The following KAZN variants were observed in gnomAD, a reference collection of about 807,000 sequenced individuals.
KAZN encodes kazrin, periplakin interacting protein.
A neutral mutation model predicts 87.4 loss-of-function variants in KAZN; 40 were observed. The observed-to-expected ratio is 0.46, with a 90% CI of 0.36 to 0.60. The LOEUF is 0.60. KAZN is among the 20% of genes least tolerant of loss of function. The probability of loss-of-function intolerance (pLI) is 0.00; values close to 1 mark genes in which losing one functional copy is unlikely to be tolerated. For synonymous variants in KAZN, 466 were observed against 458.3 expected, an observed-to-expected ratio of 1.02 and a Z score of -0.22; for missense variants, 898 against 1,073.9, an observed-to-expected ratio of 0.84 and a Z score of 2.29.
intron 2 of KAZN, among the ~76,000 whole-genome samples, chr1:14,258,750 G>A (rs953832463): frequency 3.3e-5 from 5 of 152,182 alleles, no homozygotes; most frequent in Non-Finnish European, 5.9e-5. Context: ...CTACCTGTCT[G>A]TCAAGCCTCT....
intron 1 of KAZN, among the ~76,000 whole-genome samples, chr1:14,834,273 C>T (rs867032381): frequency 2.6e-5 from 4 of 151,284 alleles, no homozygotes; most frequent in African/African-American, 7.3e-5. Flanking sequence ...TGACCTCAGG[C>T]GATCCACCTA....
chr1:14,404,046 G>A (rs560280874), intron 2 of KAZN, among the ~76,000 whole-genome samples: 3 of 152,258 alleles, frequency 2.0e-5, no homozygotes, highest in South Asian at 2.1e-4. Context: ...AAGATTGATC[G>A]GACCAGGTGT....
At chr1:14,504,838 A>C (rs1377427448) in intron 2 of KAZN, among the ~76,000 whole-genome samples, 1 of 152,206 alleles carries the variant, frequency 6.6e-6, no homozygotes, top group East Asian at 1.9e-4. Flanking sequence ...GGAGGCCAAC[A>C]AATTAAAGGT....
chr1:13,898,124 C>T (rs977063133), intron 1 of KAZN, among the ~76,000 whole-genome samples: 3 of 152,220 alleles, frequency 2.0e-5, no homozygotes, highest in African/African-American at 4.8e-5. Flanking sequence ...TACAGGGGTT[C>T]AGCTGTGTCC....
chr1:13,939,154 C>T (rs1640846429), intron 1 of KAZN, among the ~76,000 whole-genome samples: 1 of 152,234 alleles, frequency 6.6e-6, no homozygotes, highest in Non-Finnish European at 1.5e-5. Flanking sequence ...TATTCCTCTT[C>T]TGATAATGCT....
intron 1 of KAZN, among the ~76,000 whole-genome samples, chr1:14,627,391 G>A (rs889737728): frequency 2.4e-4 from 36 of 152,234 alleles, no homozygotes; most frequent in African/African-American, 7.9e-4. Flanking sequence ...GATCAGAGGG[G>A]TGGCTGGGCC....
chr1:13,935,223 G>A (rs1371547782), intron 1 of KAZN, among the ~76,000 whole-genome samples: 1 of 92,882 alleles, frequency 1.1e-5, no homozygotes, highest in African/African-American at 4.3e-5. Flanking sequence ...GGCAGCAAGA[G>A]CGAAACTCCG....
intron 1 of KAZN, among the ~76,000 whole-genome samples, chr1:14,096,981 T>G (rs1428501158): frequency 2.0e-5 from 3 of 152,222 alleles, no homozygotes; most frequent in Non-Finnish European, 4.4e-5. Context: ...GTGGTTAAGG[T>G]GGAGCCTAGG....
At chr1:14,740,801 C>A (rs965666502) in intron 1 of KAZN, among the ~76,000 whole-genome samples, 1 of 152,182 alleles carries the variant, frequency 6.6e-6, no homozygotes, top group Admixed American at 6.5e-5. Flanking sequence ...TTCTTGCCAG[C>A]CCCCAAACAG....
intron 2 of KAZN, among the ~76,000 whole-genome samples, chr1:14,192,846 AGAACCTAAGAATGT>A (rs936479110): frequency 3.9e-5 from 6 of 152,194 alleles, no homozygotes; most frequent in African/African-American, 9.6e-5. Flanking sequence ...CCTAGCTCCC[AGAACCTAAGAATGT>A]GACATTATTT....
At chr1:14,637,344 A>T (rs978667514) in intron 1 of KAZN, among the ~76,000 whole-genome samples, 2 of 152,146 alleles carry the variant, frequency 1.3e-5, no homozygotes, top group African/African-American at 4.8e-5. Flanking sequence ...TGCTTACATT[A>T]ACTTATTTCA....
chr1:14,818,950 G>T (rs1438943864), intron 1 of KAZN, among the ~76,000 whole-genome samples: 1 of 152,208 alleles, frequency 6.6e-6, no homozygotes, highest in East Asian at 1.9e-4. Context: ...AGCTGCCTGG[G>T]AGGCTGAGGC....
intron 1 of KAZN, among the ~76,000 whole-genome samples, chr1:14,141,246 A>C (rs543644580): frequency 6.6e-6 from 1 of 151,480 alleles, no homozygotes; most frequent in Admixed American, 6.6e-5. Flanking sequence ...TAAAAAAAAA[A>C]AAAAAAACAA....
chr1:14,737,921 G>A (rs1572360820), intron 1 of KAZN, among the ~76,000 whole-genome samples: 1 of 152,108 alleles, frequency 6.6e-6, no homozygotes, highest in South Asian at 2.1e-4. Context: ...CCACCTGGAT[G>A]CTTTTTTTAA....
chr1:14,886,191 G>A (rs1654026879), intron 1 of KAZN, among the ~76,000 whole-genome samples: 1 of 152,096 alleles, frequency 6.6e-6, no homozygotes, highest in African/African-American at 2.4e-5. Flanking sequence ...GGAGGATGAG[G>A]TGGGAAGACC....
At chr1:14,866,078 T>C (rs926861899) in intron 1 of KAZN, among the ~76,000 whole-genome samples, 1 of 152,160 alleles carries the variant, frequency 6.6e-6, no homozygotes, top group East Asian at 1.9e-4. Flanking sequence ...ATAGCAGCCC[T>C]GGGAAAGTTT....
intron 1 of KAZN, among the ~76,000 whole-genome samples, chr1:14,666,135 C>G (rs903103932): frequency 7.9e-5 from 12 of 151,984 alleles, no homozygotes; most frequent in African/African-American, 2.7e-4. Context: ...AATAGAGCCT[C>G]CTACCCCAAC....
intron 2 of KAZN, among the ~76,000 whole-genome samples, chr1:14,375,755 G>T (rs1660856350): frequency 6.6e-6 from 1 of 152,144 alleles, no homozygotes; most frequent in African/African-American, 2.4e-5. Flanking sequence ...GGGTGTGGTG[G>T]CGGGTGCCTG....
intron 1 of KAZN, among the ~76,000 whole-genome samples, chr1:13,933,680 G>T (rs988858927): frequency 6.6e-6 from 1 of 152,168 alleles, no homozygotes; most frequent in African/African-American, 2.4e-5. Flanking sequence ...TTTGCTGAAT[G>T]GTCATTTTAA....
Sources: allele counts gnomAD v4.1 joint callset (sites outside exome capture counted in the v4.1 genomes callset), GRCh38; gene constraint gnomAD v4.1.1; transcripts MANE v1.5; gene names NCBI Gene and HGNC (gene_info 2026-07-23, HGNC 2026-07-21).